The following PACRG variants were observed in gnomAD, a reference collection of about 807,000 sequenced individuals.
PACRG encodes the protein parkin coregulated gene protein.
Under a neutral mutation model 29.7 loss-of-function variants are expected in PACRG, and 29 were observed. That is an observed-to-expected ratio of 0.98 (90% confidence interval 0.73 to 1.33). The LOEUF is 1.33. PACRG is among the 40% of genes most tolerant of loss of function. The probability of loss-of-function intolerance (pLI) is 0.00; values close to 1 mark genes in which losing one functional copy is unlikely to be tolerated. For synonymous variants in PACRG, 116 were observed against 118.7 expected (o/e 0.98, Z 0.15); for missense variants, 279 against 316.2 (o/e 0.88, Z 0.89).
intron 4 of PACRG, 57 bp from the exon 5 acceptor site, chr6:163,314,770 A>T: frequency 6.3e-7 from 1 of 1,582,648 alleles, no homozygotes; most frequent in Non-Finnish European, 8.6e-7. Flanking sequence ...ACTGTGTAGG[A>T]CTTTTCGGGA....
rs75802628 is a variant in PACRG, at chr6:163,137,490, A to G, written c.613+48082A>G. Among the ~76,000 whole-genome samples the G allele has an allele frequency of 6.4e-3, 978 of 152,236 alleles. 12 individuals are homozygous for G. Among genetic ancestry groups the G allele is most frequent in the African/African-American group, 0.023 (939 of 41,534 alleles). ...CACCAAAATCCTCAGAACTCCATCC[A>G]TTCAAAGAGGAGCGCCAGGATTTCC... On this transcript the variant is annotated intron_variant, in intron 4 of 4. Transcript: ENST00000366888.
intron 2 of PACRG, among the ~76,000 whole-genome samples, chr6:162,918,593 C>G (rs1016139882): frequency 1.3e-5 from 2 of 151,816 alleles, no homozygotes; most frequent in Non-Finnish European, 2.9e-5. Flanking sequence ...AAAGGGGGTG[C>G]GTGTTTCTAG....
chr6:163,127,685 A>G (rs1816572419), intron 4 of PACRG, among the ~76,000 whole-genome samples: 1 of 152,232 alleles, frequency 6.6e-6, no homozygotes, highest in East Asian at 1.9e-4. Context: ...GCTCTCTGTC[A>G]TATATGAAGA....
chr6:162,728,496 G>T, intron 1 of PACRG, 105 bp downstream of exon 1: 6 of 1,404,758 alleles, frequency 4.3e-6, no homozygotes, highest in Non-Finnish European at 5.8e-6. Context: ...GTCCTGGGTG[G>T]TCTTTGCCAA....
intron 3 of PACRG, among the ~76,000 whole-genome samples, chr6:163,067,128 A>G (rs1002601378): frequency 2.6e-5 from 4 of 152,194 alleles, no homozygotes; most frequent in African/African-American, 9.6e-5. Flanking sequence ...CCAAGTGAAC[A>G]GCCTTCCTGC....
At chr6:163,181,607 A>C (rs1344558511) in intron 4 of PACRG, among the ~76,000 whole-genome samples, 1 of 19,564 alleles carries the variant, frequency 5.1e-5, no homozygotes, top group Admixed American at 6.6e-4. Flanking sequence ...GAGGTGGCAA[A>C]AAAAAAAAAA....
At chr6:162,795,074 T>A (rs1277383118) in intron 1 of PACRG, among the ~76,000 whole-genome samples, 1 of 151,012 alleles carries the variant, frequency 6.6e-6, no homozygotes, top group Non-Finnish European at 1.5e-5. Context: ...TTAAAAGAGA[T>A]GAGGTAATGA....
chr6:163,191,059 AAAAC>A (rs749101294), intron 4 of PACRG: 23 of 432,680 alleles, frequency 5.3e-5, no homozygotes, highest in South Asian at 1.5e-4. Context: ...TTTGAAAAAC[AAAAC>A]AAACAAACAA....
At position 162,936,782 on chromosome 6, in the gene PACRG, A is replaced by G. The variant is rs866434991; in HGVS notation, c.291+122501A>G. On this transcript the variant is annotated intron_variant, in intron 2 of 4. Transcript: ENST00000366888. The stretch of plus-strand genomic sequence containing the variant: ...CAAATAATTCATTTGAAAAGTATAT[A>G]TCTGTAATTGTTCAGAATTTTTTTT... Among the ~76,000 whole-genome samples, 29 of 152,068 alleles carry G rather than the reference A, an allele frequency of 1.9e-4. 1 individual carries two copies. The highest frequency in any genetic ancestry group is 3.4e-3 in the Middle Eastern group (1 of 292).
intron 2 of PACRG, among the ~76,000 whole-genome samples, chr6:162,970,253 G>A (rs976667957): frequency 2.0e-5 from 3 of 152,102 alleles, no homozygotes; most frequent in Admixed American, 6.5e-5. Flanking sequence ...CCCAGAAATG[G>A]CTTGAAATGC....
At chr6:162,888,229 G>A (rs753249285) in intron 2 of PACRG, among the ~76,000 whole-genome samples, 11 of 151,998 alleles carry the variant, frequency 7.2e-5, no homozygotes, top group East Asian at 1.9e-4. Context: ...TGGGATGTCC[G>A]TGCTGGCCAT....
chr6:163,108,370 C>G (rs1424426390), intron 4 of PACRG, among the ~76,000 whole-genome samples: 1 of 149,646 alleles, frequency 6.7e-6, no homozygotes, highest in Non-Finnish European at 1.5e-5. Flanking sequence ...AACCGTGAGC[C>G]AATTATACCT....
At chr6:162,867,634 TC>T (rs1458274557) in intron 2 of PACRG, among the ~76,000 whole-genome samples, 1 of 152,198 alleles carries the variant, frequency 6.6e-6, no homozygotes, top group East Asian at 1.9e-4. Flanking sequence ...AAAAGAACTA[TC>T]CGCAAGAAAA....
intron 1 of PACRG, among the ~76,000 whole-genome samples, chr6:162,729,919 T>C (rs1447234805): frequency 6.6e-6 from 1 of 152,138 alleles, no homozygotes; most frequent in Non-Finnish European, 1.5e-5. Flanking sequence ...ATAAACAACT[T>C]AATTGAGATC....
chr6:163,199,406 A>G (rs1013792801), intron 4 of PACRG, among the ~76,000 whole-genome samples: 4 of 152,160 alleles, frequency 2.6e-5, no homozygotes, highest in Non-Finnish European at 2.9e-5. Flanking sequence ...GTTCCAAGTG[A>G]AAAGTAGTGC....
chr6:162,984,127 A>C (rs1285924216), intron 2 of PACRG, among the ~76,000 whole-genome samples: 1 of 151,898 alleles, frequency 6.6e-6, no homozygotes, highest in African/African-American at 2.4e-5. Flanking sequence ...CCATCACCTG[A>C]GCAGTGTACA....
intron 2 of PACRG, among the ~76,000 whole-genome samples, chr6:162,870,361 A>G (rs1480966105): frequency 2.0e-5 from 3 of 152,298 alleles, no homozygotes; most frequent in Middle Eastern, 3.4e-3. Flanking sequence ...GAGACTTTTT[A>G]TTATAACTCC....
intron 3 of PACRG, among the ~76,000 whole-genome samples, chr6:163,067,040 T>G (rs910581992): frequency 6.6e-6 from 1 of 152,244 alleles, no homozygotes; most frequent in Non-Finnish European, 1.5e-5. Context: ...GGTAGACTTC[T>G]TGACTGAGAG....
chr6:163,283,558 T>A (rs1438754441), intron 4 of PACRG, among the ~76,000 whole-genome samples: 1 of 151,568 alleles, frequency 6.6e-6, no homozygotes, highest in African/African-American at 2.4e-5. Context: ...CCCAGCACTT[T>A]GGGAGGCCGA....
Sources: allele counts gnomAD v4.1 joint callset (sites outside exome capture counted in the v4.1 genomes callset), GRCh38; gene constraint gnomAD v4.1.1; transcripts MANE v1.5; gene names NCBI Gene and HGNC (gene_info 2026-07-23, HGNC 2026-07-21).